Variants in LARGE1 observed in about 807,000 individuals in gnomAD.
LARGE1 encodes xylosyl- and glucuronyltransferase LARGE1.
Under a neutral mutation model 87.6 loss-of-function variants are expected in LARGE1, and 43 were observed. The ratio of observed to expected loss-of-function variants is 0.49; its 90% CI spans 0.38 to 0.63. The LOEUF is 0.63. Among genes scored for constraint, LARGE1 ranks in the 30% least tolerant of loss-of-function variants. The pLI is 0.00. For synonymous variants in LARGE1, 434 were observed against 394.6 expected, an observed-to-expected ratio of 1.10 and a Z score of -1.18; for missense variants, 802 against 1,000.2, an observed-to-expected ratio of 0.80 and a Z score of 2.67.
At chr22:33,663,317 T>C (rs1445965585) in intron 2 of LARGE1, among the ~76,000 whole-genome samples, 1 of 152,214 alleles carries the variant, frequency 6.6e-6, no homozygotes, top group Non-Finnish European at 1.5e-5. Flanking sequence ...TCTCTACTTT[T>C]GACGGACGGG....
rs189996614 is a variant in LARGE1, at chr22:33,324,584, A to G, written c.1288-8336T>C. Among the ~76,000 whole-genome samples the G allele has an allele frequency of 9.9e-5, 15 of 152,284 alleles. No homozygotes were observed. In the East Asian group the frequency reaches 2.7e-3, roughly 27 times the overall value. On this transcript the variant is annotated intron_variant, in intron 10 of 14. Transcript: ENST00000397394. Reference sequence around the variant, plus strand: ...AGAGGGAAATTTGGACCCAAGGGAAAATGGCCCGTTAGGCAGTTTGCATTT... The same window carrying G: ...AGAGGGAAATTTGGACCCAAGGGAAGATGGCCCGTTAGGCAGTTTGCATTT...
intron 2 of LARGE1, among the ~76,000 whole-genome samples, chr22:33,757,014 G>A (rs2084539173): frequency 6.6e-6 from 1 of 152,138 alleles, no homozygotes; most frequent in Non-Finnish European, 1.5e-5. Flanking sequence ...AGGTGGACTG[G>A]GAAAGAAATA....
chr22:33,633,786 G>T (rs1483560171), intron 3 of LARGE1, among the ~76,000 whole-genome samples: 1 of 152,234 alleles, frequency 6.6e-6, no homozygotes. Flanking sequence ...GTGGGGTTGA[G>T]GGGGACAGGC....
intron 1 of LARGE1, among the ~76,000 whole-genome samples, chr22:33,791,632 T>C (rs566111269): frequency 2.4e-4 from 36 of 152,356 alleles, no homozygotes; most frequent in African/African-American, 8.4e-4. Flanking sequence ...CATTAGGTTA[T>C]TGGGCACTTT....
the LARGE1 span, among the ~76,000 whole-genome samples, chr22:33,078,430 A>G: frequency 6.6e-6 from 1 of 152,224 alleles, no homozygotes. Context: ...TTGCTACATT[A>G]TCTAATTTAA....
the LARGE1 span, among the ~76,000 whole-genome samples, chr22:33,068,815 T>C: frequency 6.6e-6 from 1 of 152,026 alleles, no homozygotes; most frequent in Non-Finnish European, 1.5e-5. Flanking sequence ...AGCACGTGCC[T>C]CAGGAGGTGA....
chr22:33,345,839 C>T (rs1939679718), intron 9 of LARGE1, among the ~76,000 whole-genome samples: 2 of 152,336 alleles, frequency 1.3e-5, no homozygotes, highest in Admixed American at 6.5e-5. Flanking sequence ...CCAGCCAATA[C>T]TTCTGATGCA....
chr22:33,745,796 G>A (rs917548262), intron 2 of LARGE1, among the ~76,000 whole-genome samples: 3 of 152,058 alleles, frequency 2.0e-5, no homozygotes, highest in African/African-American at 7.2e-5. Context: ...ACACAACCGA[G>A]CCCACTGAGC....
chr22:33,668,925 A>C (rs959316046), intron 2 of LARGE1, among the ~76,000 whole-genome samples: 42 of 152,230 alleles, frequency 2.8e-4, no homozygotes, highest in African/African-American at 9.6e-4. Flanking sequence ...CAATAATGGA[A>C]GGGCAAGAGA....
intron 11 of LARGE1, among the ~76,000 whole-genome samples, chr22:33,224,216 A>C (rs1054436092): frequency 2.0e-5 from 3 of 152,092 alleles, no homozygotes; most frequent in African/African-American, 7.2e-5. Context: ...CAGTGAGCCG[A>C]GATCGCGCCA....
chr22:33,293,794 T>C (rs1272826307), intron 12 of LARGE1, among the ~76,000 whole-genome samples: 1 of 152,220 alleles, frequency 6.6e-6, no homozygotes, highest in Non-Finnish European at 1.5e-5. Context: ...CACTGGCTTA[T>C]ACTGAGCCTC....
chr22:33,626,313 G>T lies in LARGE1; in HGVS notation c.422C>A (p.Ala141Asp). The change falls in exon 4 of 15, where the codon GCT becomes GAT. Residue 141 changes from alanine (A) to aspartate (D), a missense_variant. Coordinates refer to ENST00000397394, the MANE Select transcript of LARGE1 (RefSeq NM_133642.5). ...GGCATTGTATCCGGCGCAGACAATA[G>T]CAACGTGGATTGTCTGGGAAGAAAA... ...VVEKCETIHV[A>D]IVCAGYNASR... 1 of 1,613,876 alleles carries T rather than the reference G, an allele frequency of 6.2e-7. No individual in the cohort carries two copies. Among genetic ancestry groups the T allele is most frequent in the Non-Finnish European group, 8.5e-7 (1 of 1,179,792 alleles).
At chr22:33,130,841 A>C in the LARGE1 span, among the ~76,000 whole-genome samples, 67,257 of 151,494 alleles carry the variant, frequency 0.44, 15,081 homozygotes, top group South Asian at 0.53. Flanking sequence ...GTCAGGAGAT[A>C]GAGACCACGG....
intron 1 of LARGE1, among the ~76,000 whole-genome samples, chr22:33,816,326 C>T (rs958239118): frequency 6.6e-6 from 1 of 151,774 alleles, no homozygotes; most frequent in Non-Finnish European, 1.5e-5. Context: ...AGCTTATAAA[C>T]AACAGGCATT....
chr22:33,245,716 C>T (rs1222934413), intron 11 of LARGE1, among the ~76,000 whole-genome samples: 2 of 152,176 alleles, frequency 1.3e-5, no homozygotes, highest in Non-Finnish European at 2.9e-5. Context: ...CGAGACCAGT[C>T]TGGCCAATGT....
intron 6 of LARGE1, among the ~76,000 whole-genome samples, chr22:33,537,902 G>A (rs2077087557): frequency 6.6e-6 from 1 of 152,184 alleles, no homozygotes; most frequent in South Asian, 2.1e-4. Flanking sequence ...AGGTTCTAGT[G>A]CATGGATTAG....
At position 33,751,495 on chromosome 22, in the gene LARGE1, A is replaced by C. The variant is rs565562524; in HGVS notation, c.106+9876T>G. On this transcript the variant is annotated intron_variant, in intron 2 of 14. Coordinates refer to ENST00000397394, the MANE Select transcript of LARGE1 (RefSeq NM_133642.5). ...TTGAGACTCCATCTCAAAAAAAAAA[A>C]AACAAAAACAAACAAACAAAAATTA... 3.8e-4 allele frequency among the ~76,000 whole-genome samples: 58 copies of C among 151,978 alleles called. 1 individual carries two copies. In the South Asian group the frequency reaches 9.8e-3, roughly 26 times the overall value.
chr22:33,384,057 A>AC (rs1468218842), intron 8 of LARGE1, 135 bp downstream of exon 8: 1 of 762,666 alleles, frequency 1.3e-6, no homozygotes, highest in Non-Finnish European at 2.4e-6. Context: ...TGGCAAGAAT[A>AC]AGGCAGCTGT....
chr22:33,360,906 T>C (rs944849282), intron 9 of LARGE1, among the ~76,000 whole-genome samples: 1 of 149,764 alleles, frequency 6.7e-6, no homozygotes, highest in Non-Finnish European at 1.5e-5. Flanking sequence ...CTCTCTCCCC[T>C]GTATGTAATC....
Sources: gnomAD v4.1 joint callset for allele counts (sites outside exome capture counted in the v4.1 genomes callset) on GRCh38, gnomAD v4.1.1 for gene constraint, MANE v1.5 for transcripts, NCBI Gene and HGNC (gene_info 2026-07-23, HGNC 2026-07-21) for gene names.